Variants in TSPAN12 observed in about 807,000 individuals in gnomAD.
TSPAN12 encodes the protein tetraspanin-12.
A neutral mutation model predicts 39.2 loss-of-function variants in TSPAN12; 19 were observed. The observed-to-expected ratio is 0.49, with a 90% CI of 0.34 to 0.71. The LOEUF (loss-of-function observed/expected upper bound fraction) is 0.71, where lower values mean the gene tolerates loss of function less well. Among genes scored for constraint, TSPAN12 ranks in the 30% least tolerant of loss-of-function variants. TSPAN12 has a pLI of 0.01. For missense variants in TSPAN12, 314 were observed against 359.9 expected (o/e 0.87, Z 1.03); for synonymous variants, 119 against 124.8 (o/e 0.95, Z 0.31).
rs911038484 is a variant in TSPAN12 at position 120,804,763 on chromosome 7, C to T, written c.612+1786G>A. ...TTGCAGATGTAACTAAGATGAGGTC[C>T]GACTGGAGGACAGTGGGCCCCTTGT... On this transcript the variant is annotated intron_variant, in intron 7 of 7. Transcript: ENST00000222747. 5.9e-5 allele frequency among the ~76,000 whole-genome samples: 9 copies of T among 152,114 alleles called. 1 individual carries two copies. In the South Asian group the frequency reaches 1.0e-3, roughly 18 times the overall value.
intron 4 of TSPAN12, among the ~76,000 whole-genome samples, chr7:120,833,293 A>G (rs1794420297): frequency 6.6e-6 from 1 of 152,092 alleles, no homozygotes; most frequent in African/African-American, 2.4e-5. Context: ...CTAGCTATAT[A>G]ATCATAAAAT....
In TSPAN12 at chr7:120,810,589, A is replaced by T; in HGVS notation, c.361-19T>A. The T allele has an allele frequency of 7.1e-7, 1 of 1,418,150 alleles. No individual in the cohort carries two copies. The highest frequency in any genetic ancestry group is 1.0e-6 in the Non-Finnish European group (1 of 1,001,862). The allele number at this position is 1,418,150 out of a possible 1,614,324, so 87.8% of individuals were successfully genotyped here. ...CTGGAACCTGGTGATAAAAAGCAAA[A>T]TATCAACAGCTGTAGCTCACACACA... On this transcript the variant is annotated intron_variant, in intron 5 of 7. Transcript: ENST00000222747.
At chr7:120,814,587 A>G (rs186592855) in intron 5 of TSPAN12, among the ~76,000 whole-genome samples, 18 of 152,334 alleles carry the variant, frequency 1.2e-4, no homozygotes, top group Non-Finnish European at 2.1e-4. Context: ...AAAGTGTTCG[A>G]CATCACATCA....
At chr7:120,851,464 T>C (rs1481331451) in intron 2 of TSPAN12, among the ~76,000 whole-genome samples, 1 of 152,230 alleles carries the variant, frequency 6.6e-6, no homozygotes, top group Non-Finnish European at 1.5e-5. Flanking sequence ...TATGGGAGTT[T>C]ATATTATACA....
At chr7:120,848,492 G>A (rs975768339) in intron 2 of TSPAN12, among the ~76,000 whole-genome samples, 1 of 152,006 alleles carries the variant, frequency 6.6e-6, no homozygotes, top group Non-Finnish European at 1.5e-5. Context: ...AATAAGAACC[G>A]AGCTTTCTAT....
chr7:120,798,790 C>G (rs924519770), intron 7 of TSPAN12, among the ~76,000 whole-genome samples: 1 of 152,116 alleles, frequency 6.6e-6, no homozygotes, highest in Admixed American at 6.5e-5. Context: ...TCTAACTTTG[C>G]CCCATTATTT....
chr7:120,835,274 C>T (rs749041721), intron 4 of TSPAN12, among the ~76,000 whole-genome samples: 7 of 152,162 alleles, frequency 4.6e-5, no homozygotes, highest in Non-Finnish European at 1.0e-4. Flanking sequence ...TCAGGAACGC[C>T]GAGGTCTGAA....
chr7:120,796,903 C>T (rs1384265343), intron 7 of TSPAN12, among the ~76,000 whole-genome samples: 1 of 152,154 alleles, frequency 6.6e-6, no homozygotes, highest in Non-Finnish European at 1.5e-5. Context: ...CGCCTGTAAT[C>T]CCAGCACTTT....
At chr7:120,830,135 A>G (rs1794363277) in intron 4 of TSPAN12, among the ~76,000 whole-genome samples, 1 of 152,246 alleles carries the variant, frequency 6.6e-6, no homozygotes, top group African/African-American at 2.4e-5. Context: ...AATACTGATG[A>G]AAGAAATTGA....
chr7:120,840,136 T>C, intron 2 of TSPAN12, 27 bp from the exon 3 acceptor site: 1 of 1,490,732 alleles, frequency 6.7e-7, no homozygotes, highest in Non-Finnish European at 9.4e-7. Context: ...ACAAACCGGT[T>C]ACCAAAGATT....
At chr7:120,813,252 CTT>C (rs1169194531) in intron 5 of TSPAN12, among the ~76,000 whole-genome samples, 1 of 152,182 alleles carries the variant, frequency 6.6e-6, no homozygotes, top group African/African-American at 2.4e-5. Flanking sequence ...ACCTGACAAA[CTT>C]TTTTTAAAGA....
chr7:120,803,535 T>G (rs1793814043), intron 7 of TSPAN12, among the ~76,000 whole-genome samples: 1 of 152,196 alleles, frequency 6.6e-6, no homozygotes, highest in Admixed American at 6.6e-5. Flanking sequence ...AATGATCCTC[T>G]TTTGTAAATC....
chr7:120,842,561 C>G (rs1347169242), intron 2 of TSPAN12, among the ~76,000 whole-genome samples: 2 of 151,684 alleles, frequency 1.3e-5, no homozygotes, highest in Admixed American at 6.6e-5. Context: ...TGTTGGGCTT[C>G]GACGTGCCAG....
chr7:120,848,738 T>C (rs1352936960), intron 2 of TSPAN12, among the ~76,000 whole-genome samples: 1 of 152,094 alleles, frequency 6.6e-6, no homozygotes, highest in African/African-American at 2.4e-5. Context: ...CAAGCAACCC[T>C]GGGAATAAAA....
At chr7:120,853,280 G>A (rs1794804105) in intron 2 of TSPAN12, among the ~76,000 whole-genome samples, 1 of 151,528 alleles carries the variant, frequency 6.6e-6, no homozygotes, top group Non-Finnish European at 1.5e-5. Flanking sequence ...TTTTAGTAGA[G>A]ACAGGGTTTC....
At chr7:120,811,919 G>A (rs1325914726) in intron 5 of TSPAN12, among the ~76,000 whole-genome samples, 1 of 152,110 alleles carries the variant, frequency 6.6e-6, no homozygotes, top group East Asian at 1.9e-4. Flanking sequence ...GGAGGGGGAC[G>A]AGGGATAAAA....
intron 2 of TSPAN12, among the ~76,000 whole-genome samples, chr7:120,842,748 T>C (rs1470504385): frequency 6.6e-6 from 1 of 152,156 alleles, no homozygotes; most frequent in African/African-American, 2.4e-5. Context: ...GGGAGCTCAG[T>C]GGTTCTTGAC....
intron 4 of TSPAN12, among the ~76,000 whole-genome samples, chr7:120,837,511 A>G (rs923436726): frequency 1.1e-4 from 16 of 152,060 alleles, no homozygotes; most frequent in African/African-American, 3.1e-4. Context: ...ACAGGGTTTC[A>G]CCGTGTTAGC....
At chr7:120,837,406 G>T (rs1166909395) in intron 4 of TSPAN12, among the ~76,000 whole-genome samples, 3 of 151,608 alleles carry the variant, frequency 2.0e-5, no homozygotes, top group Non-Finnish European at 4.4e-5. Flanking sequence ...CCGCCTCCCG[G>T]GTTCACACCA....
Sources: gnomAD v4.1 joint callset for allele counts (sites outside exome capture counted in the v4.1 genomes callset) on GRCh38, gnomAD v4.1.1 for gene constraint, MANE v1.5 for transcripts, NCBI Gene and HGNC (gene_info 2026-07-23, HGNC 2026-07-21) for gene names.